Variants in ECI1 observed in about 807,000 individuals in gnomAD.
The protein encoded by ECI1 is enoyl-CoA delta isomerase 1, also known as enoyl-CoA delta isomerase 1, mitochondrial.
ECI1 carries 34 observed loss-of-function variants against 34.2 expected under a neutral mutation model. The ratio of observed to expected loss-of-function variants is 1.00; its 90% confidence interval spans 0.76 to 1.33. The LOEUF is 1.33. Ranked by LOEUF, ECI1 falls within the 40% of genes most tolerant of loss-of-function variation. The pLI, the probability that ECI1 is intolerant of heterozygous loss-of-function variation, is 0.00. For synonymous variants in ECI1, 211 were observed against 193.0 expected (o/e 1.09, Z -0.77); for missense variants, 456 against 422.2 (o/e 1.08, Z -0.70).
At position 2,246,754 on chromosome 16, in the gene ECI1, C is replaced by A; in HGVS notation, c.294+105G>T. 2.5e-6 allele frequency: 4 copies of A among 1,569,356 alleles called. No individual in the cohort carries two copies. The South Asian group carries it at 4.4e-5, about 17-fold the overall frequency. ...TGGGGCTGCCGGCTGGCCTGTGCCA[C>A]ACGTTGGCAGGCTCTGCCTCTTCCA... On this transcript the variant is annotated intron_variant, in intron 3 of 6. Transcript: ENST00000301729.
At position 2,244,411 on chromosome 16, in the gene ECI1, T is replaced by C; in HGVS notation, c.436A>G (p.Ile146Val). Residue 146 changes from isoleucine to valine, a missense_variant, in exon 4 of 7, where the codon ATC becomes GTC. Coordinates refer to ENST00000301729, the MANE Select transcript of ECI1 (RefSeq NM_001919.4). ...CTGGGAGTGGGGACACTCACGTTGA[T>C]GGCGGAGACCAGCACCAGGTTGGAC... ...YQSNLVLVSA[I>V]NGACPAGGCL... 6.2e-7 allele frequency: 1 copy of C among 1,612,356 alleles called. No individual in the cohort carries two copies. The highest frequency in any genetic ancestry group is 2.2e-5 in the East Asian group (1 of 44,862).
At chr16:2,240,245 T>G in intron 6 of ECI1, 100 bp from the exon 7 acceptor site, 1 of 1,350,136 alleles carries the variant, frequency 7.4e-7, no homozygotes. Flanking sequence ...GGAGTCTTGC[T>G]CTGTCGCCCA....
At position 2,240,080 on chromosome 16, in the gene ECI1, G is replaced by GC; in HGVS notation, c.807dup (p.Arg270AlafsTer71). On this transcript the variant is annotated frameshift_variant, in exon 7 of 7. Transcript: ENST00000301729. LOFTEE classifies it high-confidence loss of function. The stretch of plus-strand genomic sequence containing the variant: ...ACGAAGTTCTGCACGTCCGCATCGC[G>GC]CTGCGTGACCAGGCGGCTGGCCGTG... The GC allele has an allele frequency of 6.2e-7, 1 of 1,613,976 alleles. No individual in the cohort carries two copies. The highest frequency in any genetic ancestry group is 1.3e-5 in the African/African-American group (1 of 75,062).
Position 2,242,657 on chromosome 16 carries a change from GGAGA to G in ECI1, c.742+385_742+388del, listed in dbSNP as rs904659923. ...ATCACATGGCAGGTGTCCTGAGAAG[GGAGA>G]GAGAGACCTGAGACCCACAGAAACA... On this transcript the variant is annotated intron_variant, in intron 6 of 6. Coordinates refer to ENST00000301729, the MANE Select transcript of ECI1 (RefSeq NM_001919.4). The G allele has an allele frequency of 7.8e-5, 22 of 283,714 alleles. No individual in the cohort carries two copies. In the East Asian group the frequency reaches 1.3e-3, roughly 17 times the overall value. The allele number at this position is 283,714 out of a possible 1,614,324, so 17.6% of individuals were successfully genotyped here. A position where few individuals can be genotyped will look rare whatever the true frequency, so the allele number is the denominator to read the frequency against.
intron 1 of ECI1, 24 bp downstream of exon 1, chr16:2,251,491 C>G (rs1388670802): frequency 1.3e-6 from 2 of 1,555,616 alleles, no homozygotes; most frequent in East Asian, 2.4e-5. Flanking sequence ...CCGGCCCGAT[C>G]CCTGCCCACC....
chr16:2,250,983 TTTC>T (rs2093551923), intron 2 of ECI1, among the ~76,000 whole-genome samples: 1 of 152,068 alleles, frequency 6.6e-6, no homozygotes, highest in Non-Finnish European at 1.5e-5. Context: ...AGCTAATTTT[TTTC>T]TTTTGTATTT....
intron 2 of ECI1, among the ~76,000 whole-genome samples, chr16:2,250,413 T>G (rs2093550637): frequency 6.6e-6 from 1 of 152,076 alleles, no homozygotes; most frequent in African/African-American, 2.4e-5. Flanking sequence ...GTCCTGAAGC[T>G]GTGCAAAGTT....
chr16:2,243,121 C>T lies in ECI1; in HGVS notation c.667G>A (p.Val223Met). The T allele has an allele frequency of 2.5e-6, 4 of 1,606,400 alleles. No individual in the cohort carries two copies. Among genetic ancestry groups the T allele is most frequent in the Non-Finnish European group, 3.4e-6 (4 of 1,179,834 alleles). The change falls in exon 6 of 7, where the codon GTG becomes ATG. Residue 223 changes from valine to methionine, a missense_variant. Coordinates refer to ENST00000301729, the MANE Select transcript of ECI1 (RefSeq NM_001919.4). ...TGCTCCTCCGGGACCACCTGGTCCA[C>T]TATGCCCACCTGCAGGGCCTCCGCC... is the stretch of plus-strand genomic sequence containing the variant. ...PPAEALQVGI[V>M]DQVVPEEQVQ...
chr16:2,241,985 G>C (rs1037420367), intron 6 of ECI1, among the ~76,000 whole-genome samples: 12 of 151,480 alleles, frequency 7.9e-5, no homozygotes, highest in African/African-American at 2.9e-4. Context: ...TCAGCCTCTC[G>C]AGTAGCTGGG....
chr16:2,245,131 G>A (rs1220385585), intron 3 of ECI1, among the ~76,000 whole-genome samples: 1 of 152,176 alleles, frequency 6.6e-6, no homozygotes, highest in Non-Finnish European at 1.5e-5. Flanking sequence ...CAGGGCTGCC[G>A]GCCAGGGAGG....
chr16:2,251,353 C>T lies in ECI1; in HGVS notation c.129G>A (p.Gly43=), dbSNP rs866855432. The stretch of plus-strand genomic sequence containing the variant: ...CCGGCTCCACCAGCACCCGCTGGCT[C>T]CCGAAGCGCCGCGCGCCGTCTCCGC... ...AGGGDGARRF[G]SQRVLVEPDA... is the part of the protein sequence containing the mutation. The change falls in exon 2 of 7, where the codon GGG becomes GGA. Residue 43 remains glycine (G), a synonymous_variant. Coordinates refer to ENST00000301729, the MANE Select transcript of ECI1 (RefSeq NM_001919.4). 130 of 1,249,324 alleles carry T rather than the reference C, an allele frequency of 1.0e-4. No homozygotes were observed. In the African/African-American group the frequency reaches 1.5e-3, roughly 14 times the overall value. 77.4% of individuals were successfully genotyped at this position (1,249,324 alleles called of 1,614,324 possible).
In ECI1 at chr16:2,251,429, C is replaced by G. The variant is rs2093553527; in HGVS notation, c.53G>C (p.Gly18Ala). ...GAGGGCCGCGCCCGGGAGCCGGGCCCCTGCGAAGGCAGCGTGGGGGAGCCC... is the reference window on the plus strand; with the variant it reads ...GAGGGCCGCGCCCGGGAGCCGGGCCGCTGCGAAGGCAGCGTGGGGGAGCCC... ...RVPARVLLRAGARLPGAALGR... is the reference protein window; with the variant it reads ...RVPARVLLRAAARLPGAALGR... Residue 18 changes from glycine to alanine, a missense_variant and splice_region_variant, in exon 2 of 7, where the codon GGG (glycine) becomes GCG (alanine). Transcript: ENST00000301729. 2.1e-6 allele frequency: 3 copies of G among 1,441,616 alleles called. No individual in the cohort carries two copies. Among genetic ancestry groups the G allele is most frequent in the African/African-American group, 1.5e-5 (1 of 67,558 alleles). 89.3% of individuals were successfully genotyped at this position (1,441,616 alleles called of 1,614,324 possible). A position where few individuals can be genotyped will look rare whatever the true frequency, so the allele number is the denominator to read the frequency against.
At chr16:2,247,317 G>C (rs1368349735) in intron 2 of ECI1, among the ~76,000 whole-genome samples, 4 of 152,150 alleles carry the variant, frequency 2.6e-5, no homozygotes, top group African/African-American at 9.7e-5. Flanking sequence ...GGATGGGCTC[G>C]ATCTCTTGAC....
chr16:2,248,101 C>G (rs1345797700), intron 2 of ECI1, among the ~76,000 whole-genome samples: 2 of 152,098 alleles, frequency 1.3e-5, no homozygotes, highest in African/African-American at 4.8e-5. Flanking sequence ...CTTTCTCTCT[C>G]TATCATTTTT....
At chr16:2,247,494 T>A (rs967201531) in intron 2 of ECI1, among the ~76,000 whole-genome samples, 10 of 152,046 alleles carry the variant, frequency 6.6e-5, no homozygotes, top group Admixed American at 2.6e-4. Context: ...GCCTCTTGGG[T>A]TCAAGCGATT....
At chr16:2,250,449 TG>T (rs2093550733) in intron 2 of ECI1, among the ~76,000 whole-genome samples, 1 of 151,778 alleles carries the variant, frequency 6.6e-6, no homozygotes, top group Non-Finnish European at 1.5e-5. Flanking sequence ...TCTGGGGGGT[TG>T]GGGAGGGCAG....
chr16:2,240,246 CTG>C, intron 6 of ECI1, 101 bp from the exon 7 acceptor site: 4 of 1,345,332 alleles, frequency 3.0e-6, no homozygotes, highest in Non-Finnish European at 4.1e-6. Context: ...GAGTCTTGCT[CTG>C]TCGCCCAGGC....
At chr16:2,242,808 G>A (rs892473741) in intron 6 of ECI1, 7 of 575,832 alleles carry the variant, frequency 1.2e-5, no homozygotes, top group Non-Finnish European at 1.9e-5. Context: ...AACGCAGGGA[G>A]GAAGTGCAGT....
At chr16:2,242,644 G>T in intron 6 of ECI1, 1 of 256,978 alleles carries the variant, frequency 3.9e-6, no homozygotes, top group South Asian at 5.5e-5. Context: ...CACATGGCAG[G>T]TGTCCTGAGA....
Sources: allele counts gnomAD v4.1 joint callset (sites outside exome capture counted in the v4.1 genomes callset), GRCh38; gene constraint gnomAD v4.1.1; transcripts MANE v1.5; gene names NCBI Gene and HGNC (gene_info 2026-07-23, HGNC 2026-07-21).